RNLS: variants seen among roughly 807,000 people sequenced by gnomAD.
RNLS encodes the protein renalase, FAD dependent amine oxidase, also known as renalase.
Under a neutral mutation model 39.8 loss-of-function variants are expected in RNLS, and 39 were observed. The observed-to-expected ratio is 0.98, with a 90% CI of 0.76 to 1.28. RNLS has a LOEUF of 1.28. Among genes scored for constraint, RNLS ranks in the 50% most tolerant of loss-of-function variants. RNLS has a pLI of 0.00. For synonymous variants in RNLS, 147 were observed against 150.7 expected, an observed-to-expected ratio of 0.98 and a Z score of 0.18; for missense variants, 410 against 413.3, an observed-to-expected ratio of 0.99 and a Z score of 0.07.
At chr10:88,514,360 C>T (rs1846298382) in intron 4 of RNLS, among the ~76,000 whole-genome samples, 1 of 152,052 alleles carries the variant, frequency 6.6e-6, no homozygotes. Context: ...CCTACCAGGT[C>T]CCTCCCTCGA....
At chr10:88,545,841 G>A (rs1180947442) in intron 4 of RNLS, among the ~76,000 whole-genome samples, 1 of 152,114 alleles carries the variant, frequency 6.6e-6, no homozygotes, top group East Asian at 1.9e-4. Flanking sequence ...AGACTTGGCT[G>A]TTTCAGGTAA....
intron 4 of RNLS, among the ~76,000 whole-genome samples, chr10:88,399,993 C>T (rs1852813387): frequency 6.6e-6 from 1 of 151,936 alleles, no homozygotes; most frequent in Non-Finnish European, 1.5e-5. Context: ...GGCTATTTCA[C>T]TCGAATCTCT....
chr10:88,516,361 G>T (rs936629266), intron 4 of RNLS, among the ~76,000 whole-genome samples: 1 of 152,040 alleles, frequency 6.6e-6, no homozygotes, highest in Non-Finnish European at 1.5e-5. Flanking sequence ...TCAGGACAAA[G>T]AGATAAAGCT....
chr10:88,352,212 C>T (rs1848769673), intron 5 of RNLS, among the ~76,000 whole-genome samples: 1 of 151,998 alleles, frequency 6.6e-6, no homozygotes, highest in South Asian at 2.1e-4. Flanking sequence ...GCCTGATTGC[C>T]CTGGCCAGAA....
chr10:88,535,538 C>T lies in RNLS; in HGVS notation c.526+37365G>A, dbSNP rs182562479. Among the ~76,000 whole-genome samples the T allele has an allele frequency of 4.7e-3, 708 of 151,974 alleles. 1 individual carries two copies. Among genetic ancestry groups the T allele is most frequent in the Non-Finnish European group, 7.6e-3 (517 of 67,942 alleles). On this transcript the variant is annotated intron_variant, in intron 4 of 6. Transcript: ENST00000331772. ...CTGTTCAGCAAACCACCATGGCACA[C>T]GTTTACCTACGTAACAAACCTGCAC...
intron 4 of RNLS, among the ~76,000 whole-genome samples, chr10:88,494,792 C>A (rs1266293259): frequency 6.6e-6 from 1 of 151,982 alleles, no homozygotes; most frequent in Non-Finnish European, 1.5e-5. Context: ...AGTGGTGAAC[C>A]CTTTCTCTAG....
intron 5 of RNLS, among the ~76,000 whole-genome samples, chr10:88,344,914 T>C (rs1362558577): frequency 6.6e-6 from 1 of 152,172 alleles, no homozygotes; most frequent in Non-Finnish European, 1.5e-5. Context: ...TATTCATTCA[T>C]ATTATGCAGG....
In RNLS at chr10:88,583,219, G is replaced by A; in HGVS notation, c.-29C>T. ...GAGAGGGAGCAGCGATCCGCGCTGA[G>A]TCTCTGCGGCGGGGCCGTTCGGCCC... is the stretch of plus-strand genomic sequence containing the variant. On this transcript the variant is annotated 5_prime_UTR_variant, in exon 1 of 7. Coordinates refer to ENST00000331772, the MANE Select transcript of RNLS (RefSeq NM_001031709.3). 1 of 1,612,264 alleles carries A rather than the reference G, an allele frequency of 6.2e-7. No individual in the cohort carries two copies. Among genetic ancestry groups the A allele is most frequent in the Non-Finnish European group, 8.5e-7 (1 of 1,179,410 alleles).
intron 4 of RNLS, among the ~76,000 whole-genome samples, chr10:88,440,471 T>C (rs1384898357): frequency 6.6e-6 from 1 of 152,228 alleles, no homozygotes; most frequent in Non-Finnish European, 1.5e-5. Flanking sequence ...TTGACTTAAA[T>C]AATAATGATA....
chr10:88,338,972 A>C (rs1847723331), intron 5 of RNLS, among the ~76,000 whole-genome samples: 2 of 152,118 alleles, frequency 1.3e-5, no homozygotes, highest in Admixed American at 1.3e-4. Flanking sequence ...CGTGTTAGCC[A>C]GGATGGTCTG....
intron 4 of RNLS, among the ~76,000 whole-genome samples, chr10:88,429,773 C>A (rs969014774): frequency 2.2e-4 from 33 of 151,748 alleles, no homozygotes; most frequent in Non-Finnish European, 4.4e-4. Context: ...TCCAATTACT[C>A]CAGCACAATA....
intron 4 of RNLS, among the ~76,000 whole-genome samples, chr10:88,520,492 C>T (rs987973961): frequency 3.3e-5 from 5 of 151,934 alleles, no homozygotes; most frequent in African/African-American, 1.2e-4. Flanking sequence ...GGCTTAGGCT[C>T]AAGCTAGGGA....
chr10:88,185,680 T>C, the RNLS span, among the ~76,000 whole-genome samples: 5 of 152,080 alleles, frequency 3.3e-5, no homozygotes, highest in Non-Finnish European at 7.4e-5. Flanking sequence ...TTGACTAAGC[T>C]CTGTCAATTA....
the RNLS span, among the ~76,000 whole-genome samples, chr10:88,173,173 T>C: frequency 6.6e-6 from 1 of 152,112 alleles, no homozygotes; most frequent in African/African-American, 2.4e-5. Flanking sequence ...GATTTTTGTA[T>C]ATGGTGAGGG....
At chr10:88,338,102 C>G (rs1346283873) in intron 5 of RNLS, among the ~76,000 whole-genome samples, 2 of 152,174 alleles carry the variant, frequency 1.3e-5, no homozygotes, top group Non-Finnish European at 2.9e-5. Flanking sequence ...AATTTTCCAG[C>G]AGTCTAAAAA....
At chr10:88,385,676 G>A (rs1851817049) in intron 4 of RNLS, among the ~76,000 whole-genome samples, 1 of 152,216 alleles carries the variant, frequency 6.6e-6, no homozygotes, top group African/African-American at 2.4e-5. Context: ...GGATCCTGGT[G>A]CAGAGGTTGC....
At chr10:88,233,269 T>C in the RNLS span, among the ~76,000 whole-genome samples, 2 of 152,288 alleles carry the variant, frequency 1.3e-5, no homozygotes, top group South Asian at 4.1e-4. Context: ...AAAGCTTTTT[T>C]CCTCCCCAGC....
In RNLS at chr10:88,285,362, A is replaced by T; in HGVS notation, c.1021T>A (p.Tyr341Asn). 6.2e-7 allele frequency: 1 copy of T among 1,611,404 alleles called. No individual in the cohort carries two copies. Among genetic ancestry groups the T allele is most frequent in the Non-Finnish European group, 8.5e-7 (1 of 1,178,222 alleles). Residue 341 changes from tyrosine to asparagine, a missense_variant, in exon 7 of 7, where the codon TAT becomes AAT. Tyr to Asn is a moderately radical substitution (Grantham distance 143, BLOSUM62 -2). Coordinates refer to ENST00000331772, the MANE Select transcript of RNLS (RefSeq NM_001031709.3). Reference sequence around the variant, plus strand: ...GAATAAGGATATAGGCACTAAATATAATTCTTTAAAGCTTCCAGAACACAT... The same window carrying T: ...GAATAAGGATATAGGCACTAAATATTATTCTTTAAAGCTTCCAGAACACAT... ...ALCVLEALKN[Y>N]I
chr10:88,527,843 T>A (rs1412369287), intron 4 of RNLS, among the ~76,000 whole-genome samples: 2 of 148,466 alleles, frequency 1.3e-5, no homozygotes, highest in East Asian at 2.0e-4. Context: ...AAGATAAAAC[T>A]TGAAAAAAAA....
Sources: gnomAD v4.1 joint callset for allele counts (sites outside exome capture counted in the v4.1 genomes callset) on GRCh38, gnomAD v4.1.1 for gene constraint, MANE v1.5 for transcripts, NCBI Gene and HGNC (gene_info 2026-07-23, HGNC 2026-07-21) for gene names.